The following GTF3C1 variants were observed in gnomAD, a reference collection of about 807,000 sequenced individuals.
GTF3C1 encodes the protein general transcription factor IIIC subunit 1.
Under a neutral mutation model 226.7 loss-of-function variants are expected in GTF3C1, and 57 were observed. That is an observed-to-expected ratio of 0.25 (90% CI 0.20 to 0.31). The LOEUF is 0.31. GTF3C1 is among the 10% of genes least tolerant of loss of function. GTF3C1 has a pLI of 1.00. For missense variants in GTF3C1, 2,217 were observed against 2,776.1 expected (o/e 0.80, Z 4.53); for synonymous variants, 1,090 against 1,084.8 (o/e 1.00, Z -0.09).
At chr16:27,525,951 G>GTT (rs10658820) in intron 6 of GTF3C1, among the ~76,000 whole-genome samples, 149,680 of 152,252 alleles carry the variant, frequency 0.98, 73,587 homozygotes, top group East Asian at 1. Context: ...TCCTATGTTT[G>GTT]TTTCTTATGA....
Position 27,481,105 on chromosome 16 carries a change from T to TGGG in GTF3C1, c.4167_4169dup (p.Pro1390dup), listed in dbSNP as rs755518937. On this transcript the variant is annotated inframe_insertion, in exon 27 of 37. Coordinates refer to ENST00000356183, the MANE Select transcript of GTF3C1 (RefSeq NM_001520.4). Reference sequence around the variant, plus strand: ...TGGCGAACAGCTCCTGGAGTGTGTCTGGGATTTCAAGGTTAGAATTCCTTA... The same window carrying TGGG: ...TGGCGAACAGCTCCTGGAGTGTGTCTGGGGGGATTTCAAGGTTAGAATTCCTTA... 1 of 1,614,204 alleles carries TGGG rather than the reference T, an allele frequency of 6.2e-7. No homozygotes were observed. The highest frequency in any genetic ancestry group is 1.7e-5 in the Admixed American group (1 of 60,034).
At chr16:27,508,704 C>G in intron 7 of GTF3C1, 49 bp from the exon 8 acceptor site, 1 of 1,354,294 alleles carries the variant, frequency 7.4e-7, no homozygotes, top group Non-Finnish European at 1.0e-6. Flanking sequence ...AGGAGCTGTT[C>G]TGCACAAGTC....
rs745587594 is a variant in GTF3C1 at position 27,533,347 on chromosome 16, T to G, written c.793A>C (p.Met265Leu). 6.2e-7 allele frequency: 1 copy of G among 1,609,596 alleles called. No homozygotes were observed. Among genetic ancestry groups the G allele is most frequent in the African/African-American group, 1.3e-5 (1 of 74,840 alleles). The change falls in exon 5 of 37, where the codon ATG becomes CTG. Residue 265 changes from methionine to leucine, a missense_variant. By Grantham distance (15) the Met-to-Leu change is conservative. This residue lies in a region of GTF3C1 where 163 missense variants were observed against 234.3 expected (regional missense o/e 0.70). Transcript: ENST00000356183. ...YDILMEKLSV[M>L]LSTRTNHIET... is the part of the protein sequence containing the mutation. ...ATGTGGTTAGTCCGTGTGCTCAGCA[T>G]GACCGAAAGCTTCTCCATGAGGATG...
chr16:27,530,891 C>T (rs2088905521), intron 5 of GTF3C1, among the ~76,000 whole-genome samples: 1 of 152,230 alleles, frequency 6.6e-6, no homozygotes, highest in African/African-American at 2.4e-5. Context: ...CTGGCTTCAT[C>T]TCGAGATCCT....
chr16:27,474,589 ATT>A (rs1396809300), intron 29 of GTF3C1, among the ~76,000 whole-genome samples: 1 of 152,170 alleles, frequency 6.6e-6, no homozygotes, highest in Non-Finnish European at 1.5e-5. Flanking sequence ...TGAAAAAAAA[ATT>A]TTGTTTTTTC....
At chr16:27,514,558 A>G (rs979405586) in intron 6 of GTF3C1, among the ~76,000 whole-genome samples, 2 of 152,034 alleles carry the variant, frequency 1.3e-5, no homozygotes, top group Admixed American at 6.5e-5. Context: ...TCCTCTAGAC[A>G]AGCCCCTCCC....
chr16:27,483,270 T>C, intron 25 of GTF3C1, 145 bp from the exon 26 acceptor site: 1 of 773,756 alleles, frequency 1.3e-6, no homozygotes, highest in Non-Finnish European at 2.2e-6. Flanking sequence ...CAACTGCAGC[T>C]TTTACGAATG....
At chr16:27,531,207 C>G (rs1474664687) in intron 5 of GTF3C1, among the ~76,000 whole-genome samples, 2 of 152,198 alleles carry the variant, frequency 1.3e-5, no homozygotes, top group East Asian at 3.9e-4. Flanking sequence ...GCTAAAGTCC[C>G]CACTCCTCAG....
intron 1 of GTF3C1, among the ~76,000 whole-genome samples, chr16:27,546,986 C>T (rs1180546622): frequency 1.3e-5 from 2 of 152,068 alleles, no homozygotes; most frequent in Admixed American, 6.6e-5. Flanking sequence ...AAATGATCCA[C>T]CTGCCTCGGC....
chr16:27,490,385 A>G (rs1331959263), intron 19 of GTF3C1, among the ~76,000 whole-genome samples: 3 of 152,230 alleles, frequency 2.0e-5, no homozygotes, highest in African/African-American at 7.2e-5. Context: ...GCAGACTCTC[A>G]AAGACTCTCT....
At chr16:27,498,071 A>G (rs1393030514) in intron 13 of GTF3C1, among the ~76,000 whole-genome samples, 1 of 152,180 alleles carries the variant, frequency 6.6e-6, no homozygotes, top group East Asian at 1.9e-4. Flanking sequence ...AGGGAACCCA[A>G]CGTGCTAGAT....
intron 10 of GTF3C1, among the ~76,000 whole-genome samples, 165 bp downstream of exon 10, chr16:27,505,734 G>A (rs970984011): frequency 2.6e-5 from 4 of 152,248 alleles, no homozygotes; most frequent in African/African-American, 7.2e-5. Context: ...TGAAAGTGGT[G>A]TGTAGATAAG....
chr16:27,512,981 T>C lies in GTF3C1; in HGVS notation c.974-1080A>G, dbSNP rs762686747. On this transcript the variant is annotated intron_variant, in intron 6 of 36. Transcript: ENST00000356183. ...GAGCGGGACAACCACCCTGTAAAGA[T>C]GTTCACGTCTTCATCCCCAAAACAT... 3.3e-5 allele frequency among the ~76,000 whole-genome samples: 5 copies of C among 152,206 alleles called. No homozygotes were observed. In the South Asian group the frequency reaches 6.2e-4, roughly 19 times the overall value.
rs2089245034 is a variant in GTF3C1, at chr16:27,549,632, CCCGCCCGCCCGCCCGCCAGGCCAGG to C, written c.221+13_221+37del. On this transcript the variant is annotated intron_variant, in intron 1 of 36. Transcript: ENST00000356183. Reference sequence around the variant, plus strand: ...GCTCCATCAGCCCCCGGGCCCTGCGCCCGCCCGCCCGCCCGCCAGGCCAGGCCGCCCGCTGACCGGTCCTGGAGCT... The same window carrying C: ...GCTCCATCAGCCCCCGGGCCCTGCGCCCGCCCGCTGACCGGTCCTGGAGCT... 3.8e-6 allele frequency: 2 copies of C among 532,246 alleles called. No individual in the cohort carries two copies. The highest frequency in any genetic ancestry group is 6.8e-6 in the Non-Finnish European group (2 of 295,214). 33.0% of individuals were successfully genotyped at this position (532,246 alleles called of 1,614,324 possible). A position where few individuals can be genotyped will look rare whatever the true frequency, so the allele number is the denominator to read the frequency against.
At chr16:27,477,311 CTTTTTT>C (rs34199607) in intron 28 of GTF3C1, among the ~76,000 whole-genome samples, 4 of 146,576 alleles carry the variant, frequency 2.7e-5, no homozygotes, top group African/African-American at 1.0e-4. Flanking sequence ...TTTTCTCTTC[CTTTTTT>C]TTTTTTGAGA....
chr16:27,549,908 G>A lies in GTF3C1; in HGVS notation c.-18C>T, dbSNP rs767479507. On this transcript the variant is annotated 5_prime_UTR_variant, in exon 1 of 37. Coordinates refer to ENST00000356183, the MANE Select transcript of GTF3C1 (RefSeq NM_001520.4). ...GCGTCCATTGCTACTTCAGTCGGCG[G>A]CGCCCGGGGCGCATGCGCAACGCAC... is the stretch of plus-strand genomic sequence containing the variant. 3 of 1,595,338 alleles carry A rather than the reference G, an allele frequency of 1.9e-6. No individual in the cohort carries two copies. Among genetic ancestry groups the A allele is most frequent in the Non-Finnish European group, 1.7e-6 (2 of 1,165,084 alleles).
intron 17 of GTF3C1, 34 bp downstream of exon 17, chr16:27,493,165 T>C (rs1462114724): frequency 8.9e-7 from 1 of 1,125,376 alleles, no homozygotes; most frequent in East Asian, 2.3e-5. Flanking sequence ...TGTTTGGACC[T>C]GCGACTACTC....
Position 27,469,362 on chromosome 16 carries a change from A to G in GTF3C1, c.5003T>C (p.Ile1668Thr), listed in dbSNP as rs1227256454. Residue 1668 changes from isoleucine (I) to threonine (T), a missense_variant, in exon 32 of 37, where the codon ATT (isoleucine) becomes ACT (threonine). Transcript: ENST00000356183. This position sits in a 1 kb window ranked among gnomAD's most constrained non-coding sequence, Gnocchi z 4.5. ...CTTCATCTGGCAGGAGTTGACCACAATGCTGTCGTTGGGGTTGAGGTTGCG... is the reference window on the plus strand; with the variant it reads ...CTTCATCTGGCAGGAGTTGACCACAGTGCTGTCGTTGGGGTTGAGGTTGCG... ...STRNLNPNDS[I>T]VVNSCQMKFQ... 1 of 1,608,580 alleles carries G rather than the reference A, an allele frequency of 6.2e-7. No homozygotes were observed. The highest frequency in any genetic ancestry group is 8.5e-7 in the Non-Finnish European group (1 of 1,177,482).
At chr16:27,546,486 GAAA>G (rs11406778) in intron 1 of GTF3C1, among the ~76,000 whole-genome samples, 2 of 111,880 alleles carry the variant, frequency 1.8e-5, no homozygotes, top group Non-Finnish European at 3.5e-5. Flanking sequence ...TTTTTTTTTT[GAAA>G]AAAAAAAAAA....
Sources: gnomAD v4.1 joint callset for allele counts (sites outside exome capture counted in the v4.1 genomes callset) on GRCh38, gnomAD v4.1.1 for gene constraint, gnomAD v4.1.1 regional missense constraint, Gnocchi (gnomAD v3.1) non-coding constraint, MANE v1.5 for transcripts, NCBI Gene and HGNC (gene_info 2026-07-23, HGNC 2026-07-21) for gene names.